Variants in OCA2 observed in about 807,000 individuals in gnomAD.
OCA2 encodes the protein OCA2 melanosomal transmembrane protein, also known as P protein.
Under a neutral mutation model 100.2 loss-of-function variants are expected in OCA2, and 77 were observed. The observed-to-expected ratio is 0.77, with a 90% CI of 0.64 to 0.93. The LOEUF is 0.93. Among genes scored for constraint, OCA2 ranks in the 40% least tolerant of loss-of-function variants. OCA2 has a pLI of 0.00. For missense variants in OCA2, 1,062 were observed against 1,089.1 expected, an observed-to-expected ratio of 0.98 and a Z score of 0.35; for synonymous variants, 432 against 439.2, an observed-to-expected ratio of 0.98 and a Z score of 0.21.
chr15:27,873,580 G>GC (rs1344767889), intron 19 of OCA2, among the ~76,000 whole-genome samples: 3 of 152,082 alleles, frequency 2.0e-5, no homozygotes, highest in African/African-American at 7.2e-5. Context: ...GTGTGTATAT[G>GC]CCCCCCACAT....
At chr15:27,951,969 G>A in intron 17 of OCA2, 77 bp from the exon 18 acceptor site, 1 of 976,330 alleles carries the variant, frequency 1.0e-6, no homozygotes, top group Non-Finnish European at 1.6e-6. Context: ...CTACGCAACT[G>A]GAATCACGAC....
rs139978677 is a variant in OCA2, at chr15:27,870,933, G to A, written c.2244+221C>T. ...TCGAGATCACCAGTCACCCCAGGAC[G>A]TGCTGTCCACGGCAGCTGCAGAGCC... is the stretch of plus-strand genomic sequence containing the variant. On this transcript the variant is annotated intron_variant, in intron 21 of 23. Coordinates refer to ENST00000354638, the MANE Select transcript of OCA2 (RefSeq NM_000275.3). 3.8e-3 allele frequency among the ~76,000 whole-genome samples: 578 copies of A among 152,226 alleles called. 4 individuals are homozygous for A. Among genetic ancestry groups the A allele is most frequent in the African/African-American group, 0.013 (535 of 41,520 alleles).
At chr15:28,059,011 G>C (rs890678831) in intron 2 of OCA2, among the ~76,000 whole-genome samples, 1 of 152,214 alleles carries the variant, frequency 6.6e-6, no homozygotes, top group Non-Finnish European at 1.5e-5. Flanking sequence ...TGGGTCCAGA[G>C]AGCGCTCAGT....
At chr15:27,804,341 G>C (rs2033736550) in intron 23 of OCA2, among the ~76,000 whole-genome samples, 1 of 152,170 alleles carries the variant, frequency 6.6e-6, no homozygotes, top group South Asian at 2.1e-4. Context: ...TGGCCCCTAA[G>C]CAACATTTAC....
chr15:28,025,050 A>G lies in OCA2; in HGVS notation c.516-148T>C, dbSNP rs1415045430. ...ACATGATATGAGGGAGAACACCCTC[A>G]TATCAGTGACCAGTAAACCCACAGC... On this transcript the variant is annotated intron_variant, in intron 4 of 23. Transcript: ENST00000354638. The G allele has an allele frequency of 2.3e-5, 18 of 773,292 alleles. No homozygotes were observed. In the Middle Eastern group the frequency reaches 6.8e-4, roughly 29 times the overall value. 47.9% of individuals were successfully genotyped at this position (773,292 alleles called of 1,614,324 possible). A position where few individuals can be genotyped will look rare whatever the true frequency, so the allele number is the denominator to read the frequency against.
At chr15:28,007,740 C>T (rs2042130189) in intron 9 of OCA2, among the ~76,000 whole-genome samples, 2 of 151,972 alleles carry the variant, frequency 1.3e-5, no homozygotes, top group African/African-American at 4.8e-5. Flanking sequence ...AAAAGACCTA[C>T]TGTACAAGGA....
chr15:28,027,123 CA>C (rs1485575819), intron 4 of OCA2, among the ~76,000 whole-genome samples: 1 of 152,226 alleles, frequency 6.6e-6, no homozygotes, highest in African/African-American at 2.4e-5. Flanking sequence ...TGAACGGGCG[CA>C]TGGGAGGAAA....
intron 2 of OCA2, among the ~76,000 whole-genome samples, chr15:28,071,724 G>A (rs978132830): frequency 6.6e-6 from 1 of 152,218 alleles, no homozygotes. Flanking sequence ...ATATGCAGAA[G>A]ATTGAAGCTG....
At chr15:27,856,183 A>G (rs2035941885) in intron 21 of OCA2, among the ~76,000 whole-genome samples, 1 of 152,136 alleles carries the variant, frequency 6.6e-6, no homozygotes, top group South Asian at 2.1e-4. Context: ...TAAGGACATC[A>G]GTCATATTGG....
chr15:27,741,993 ATCC>A, the OCA2 span, among the ~76,000 whole-genome samples: 21,639 of 152,224 alleles, frequency 0.14, 1,717 homozygotes, highest in Admixed American at 0.21. Context: ...GGATTTAAAC[ATCC>A]TCCTCTTGAC....
At chr15:28,056,919 C>T (rs2043719577) in intron 2 of OCA2, among the ~76,000 whole-genome samples, 1 of 152,250 alleles carries the variant, frequency 6.6e-6, no homozygotes, top group South Asian at 2.1e-4. Context: ...CCCCAGCTGC[C>T]TGCCCCCTGC....
At chr15:27,788,364 G>A (rs1351436790) in intron 23 of OCA2, among the ~76,000 whole-genome samples, 1 of 151,988 alleles carries the variant, frequency 6.6e-6, no homozygotes, top group Non-Finnish European at 1.5e-5. Context: ...TACATTTAGG[G>A]ATTTTGTTCT....
At chr15:27,725,849 G>T in the OCA2 span, among the ~76,000 whole-genome samples, 6 of 152,038 alleles carry the variant, frequency 3.9e-5, no homozygotes, top group African/African-American at 1.4e-4. Flanking sequence ...AGTGGGTTGA[G>T]TTCTCAAAAA....
At chr15:27,874,152 G>A (rs2036694084) in intron 19 of OCA2, among the ~76,000 whole-genome samples, 1 of 152,126 alleles carries the variant, frequency 6.6e-6, no homozygotes, top group African/African-American at 2.4e-5. Flanking sequence ...CAAACAAATG[G>A]ACCCTAGATA....
chr15:27,812,846 G>A (rs149331479), intron 23 of OCA2, among the ~76,000 whole-genome samples: 32 of 152,178 alleles, frequency 2.1e-4, no homozygotes, highest in African/African-American at 7.5e-4. Flanking sequence ...AAAATACTAA[G>A]GCTGTGCCAT....
At chr15:28,074,721 C>A (rs2141833811) in intron 2 of OCA2, among the ~76,000 whole-genome samples, 1 of 149,360 alleles carries the variant, frequency 6.7e-6, no homozygotes, top group East Asian at 2.0e-4. Flanking sequence ...GTGGTGGGCA[C>A]CTATAATCCC....
intron 19 of OCA2, among the ~76,000 whole-genome samples, chr15:27,893,141 G>A (rs1055644083): frequency 1.3e-5 from 2 of 152,224 alleles, no homozygotes; most frequent in African/African-American, 4.8e-5. Flanking sequence ...GGAGGGACCG[G>A]CTGGAGCCGT....
intron 2 of OCA2, among the ~76,000 whole-genome samples, chr15:28,036,000 C>A (rs184084636): frequency 6.6e-6 from 1 of 152,274 alleles, no homozygotes; most frequent in Non-Finnish European, 1.5e-5. Context: ...AGTGCAGAGA[C>A]ACACATTCAC....
In OCA2 at chr15:27,776,977, G is replaced by GC. The variant is rs1292359914; in HGVS notation, c.2433-21506_2433-21505insG. On this transcript the variant is annotated intron_variant, in intron 23 of 23. Coordinates refer to ENST00000354638, the MANE Select transcript of OCA2 (RefSeq NM_000275.3). ...TGTGGCGGCGGGGAGCGTGAGGTGG[G>GC]GGGGGGTGGGGGGAGTGTTGGAGAG... 7.4e-3 allele frequency among the ~76,000 whole-genome samples: 1,125 copies of GC among 151,154 alleles called. 24 individuals are homozygous for GC. The highest frequency in any genetic ancestry group is 0.026 in the African/African-American group (1,082 of 41,052).
Sources: allele counts gnomAD v4.1 joint callset (sites outside exome capture counted in the v4.1 genomes callset), GRCh38; gene constraint gnomAD v4.1.1; transcripts MANE v1.5; gene names NCBI Gene and HGNC (gene_info 2026-07-23, HGNC 2026-07-21).